The following SOBP variants were observed in gnomAD, a reference collection of about 807,000 sequenced individuals.
SOBP encodes sine oculis binding protein homolog.
In SOBP, 4 loss-of-function variants were observed where a neutral mutation model predicts 53.6. The ratio of observed to expected loss-of-function variants is 0.07; its 90% CI spans 0.04 to 0.17. The LOEUF is 0.17. SOBP is among the 10% of genes least tolerant of loss of function. SOBP has a pLI of 1.00. For missense variants in SOBP, 1,088 were observed against 1,204.7 expected, an observed-to-expected ratio of 0.90 and a Z score of 1.43; for synonymous variants, 584 against 522.6, an observed-to-expected ratio of 1.12 and a Z score of -1.60.
In SOBP at chr6:107,596,900, A is replaced by T. The variant is rs115171995; in HGVS notation, c.669+9725A>T. Among the ~76,000 whole-genome samples, 1,279 of 152,350 alleles carry T rather than the reference A, an allele frequency of 8.4e-3. 20 individuals carry two copies. Among genetic ancestry groups the T allele is most frequent in the African/African-American group, 0.03 (1,234 of 41,578 alleles). On this transcript the variant is annotated intron_variant, in intron 5 of 6. Transcript: ENST00000317357. ...CAGAAGAGACAAAGTATATGTAGGT[A>T]TATTATCCATACTTTAGAATTTCAT...
At chr6:107,500,714 ATGGG>A (rs905504890) in intron 1 of SOBP, among the ~76,000 whole-genome samples, 64 of 143,086 alleles carry the variant, frequency 4.5e-4, no homozygotes, top group Admixed American at 2.5e-3. Context: ...TTAGAGACGG[ATGGG>A]GTTTCACCAT....
intron 4 of SOBP, among the ~76,000 whole-genome samples, chr6:107,533,832 G>C (rs763460765): frequency 6.6e-6 from 1 of 152,212 alleles, no homozygotes; most frequent in Non-Finnish European, 1.5e-5. Flanking sequence ...CTGAGAGGGT[G>C]AATGAATCTG....
intron 5 of SOBP, among the ~76,000 whole-genome samples, chr6:107,632,559 A>T (rs1329787621): frequency 6.6e-6 from 1 of 152,226 alleles, no homozygotes; most frequent in Non-Finnish European, 1.5e-5. Context: ...GTGAGAGCTG[A>T]TGGTGTTGCA....
intron 4 of SOBP, among the ~76,000 whole-genome samples, chr6:107,536,342 C>T (rs933149095): frequency 1.3e-5 from 2 of 152,176 alleles, no homozygotes; most frequent in African/African-American, 4.8e-5. Flanking sequence ...CTGAGCAACA[C>T]CTGCATTTGT....
At position 107,614,080 on chromosome 6, in the gene SOBP, A is replaced by G. The variant is rs143759267; in HGVS notation, c.670-19434A>G. Among the ~76,000 whole-genome samples, 749 of 152,278 alleles carry G rather than the reference A, an allele frequency of 4.9e-3. 5 individuals carry two copies. Among genetic ancestry groups the G allele is most frequent in the South Asian group, 0.011 (55 of 4,828 alleles). Reference sequence around the variant, plus strand: ...GTAAGGCAGAGCAGCCTGGCCCATGATGGTCTGGATGTTATGATGCCTTAA... The same window carrying G: ...GTAAGGCAGAGCAGCCTGGCCCATGGTGGTCTGGATGTTATGATGCCTTAA... On this transcript the variant is annotated intron_variant, in intron 5 of 6. Coordinates refer to ENST00000317357, the MANE Select transcript of SOBP (RefSeq NM_018013.4).
intron 5 of SOBP, among the ~76,000 whole-genome samples, chr6:107,610,569 C>T (rs574726556): frequency 6.6e-6 from 1 of 152,318 alleles, no homozygotes; most frequent in African/African-American, 2.4e-5. Context: ...ATAGTTGAAT[C>T]AGAATCCCCA....
intron 4 of SOBP, among the ~76,000 whole-genome samples, chr6:107,561,583 T>C (rs1192692618): frequency 6.6e-6 from 1 of 152,208 alleles, no homozygotes; most frequent in Admixed American, 6.5e-5. Flanking sequence ...TTCTCTTTTG[T>C]AGTTCTGTGC....
At chr6:107,510,472 C>T (rs557717837) in intron 3 of SOBP, 3 of 152,210 alleles carry the variant, frequency 2.0e-5, no homozygotes, top group African/African-American at 7.2e-5. Flanking sequence ...GAATGAATGA[C>T]TGATATTCAA....
In SOBP at chr6:107,560,856, G is replaced by A. The variant is rs150422715; in HGVS notation, c.574-26224G>A. On this transcript the variant is annotated intron_variant, in intron 4 of 6. Coordinates refer to ENST00000317357, the MANE Select transcript of SOBP (RefSeq NM_018013.4). Reference sequence around the variant, plus strand: ...GCTTCTCATCTTGTCTCCTATTGACGCAACTGAAATCTCTGGAAAAGCCCA... The same window carrying A: ...GCTTCTCATCTTGTCTCCTATTGACACAACTGAAATCTCTGGAAAAGCCCA... Among the ~76,000 whole-genome samples the A allele has an allele frequency of 6.3e-4, 96 of 152,218 alleles. 1 individual carries two copies. The highest frequency in any genetic ancestry group is 2.1e-3 in the African/African-American group (87 of 41,538).
chr6:107,616,484 G>T (rs73518940), intron 5 of SOBP, among the ~76,000 whole-genome samples: 1 of 152,120 alleles, frequency 6.6e-6, no homozygotes, highest in Non-Finnish European at 1.5e-5. Flanking sequence ...CTTCCTCTCT[G>T]GTCACAAGGG....
At chr6:107,636,586 A>G (rs1191746061) in intron 6 of SOBP, among the ~76,000 whole-genome samples, 1 of 152,218 alleles carries the variant, frequency 6.6e-6, no homozygotes, top group Non-Finnish European at 1.5e-5. Context: ...ACAGGCCAAA[A>G]TTCAGTTGAG....
At chr6:107,490,802 G>A (rs1782560572) in intron 1 of SOBP, 90 bp downstream of exon 1, 1 of 1,013,072 alleles carries the variant, frequency 9.9e-7, no homozygotes, top group Non-Finnish European at 1.5e-6. Flanking sequence ...GGGTACCGGG[G>A]CGCGCTTGTC....
intron 4 of SOBP, among the ~76,000 whole-genome samples, chr6:107,569,349 C>T (rs1164896114): frequency 1.3e-5 from 2 of 152,112 alleles, no homozygotes; most frequent in African/African-American, 2.4e-5. Context: ...AAATTTCAAA[C>T]GTTCTGAAAA....
At chr6:107,532,602 A>T (rs13436986) in intron 3 of SOBP, among the ~76,000 whole-genome samples, 1,649 of 152,270 alleles carry the variant, frequency 0.011, 38 homozygotes, top group African/African-American at 0.038. Flanking sequence ...TCTCATACAA[A>T]GGAAAAGAAA....
chr6:107,501,841 A>G (rs1782849825), intron 1 of SOBP, among the ~76,000 whole-genome samples: 1 of 152,158 alleles, frequency 6.6e-6, no homozygotes, highest in South Asian at 2.1e-4. Context: ...ATTCATATTG[A>G]TCATATCTTT....
intron 4 of SOBP, 90 bp downstream of exon 4, chr6:107,533,700 G>T (rs376067540): frequency 1.3e-6 from 2 of 1,500,444 alleles, no homozygotes; most frequent in African/African-American, 1.4e-5. Context: ...AAAACACTGC[G>T]CACCTTTTAC....
chr6:107,640,591 T>C (rs1583303026), intron 6 of SOBP, among the ~76,000 whole-genome samples: 1 of 152,294 alleles, frequency 6.6e-6, no homozygotes, highest in South Asian at 2.1e-4. Flanking sequence ...TTTTCTGGAA[T>C]GAATGGTGTC....
intron 5 of SOBP, among the ~76,000 whole-genome samples, chr6:107,632,172 C>G (rs537495215): frequency 1.3e-5 from 2 of 152,292 alleles, no homozygotes; most frequent in East Asian, 3.9e-4. Context: ...GAACAACAGA[C>G]AGCCTCTTCA....
At chr6:107,598,425 A>G (rs1360262883) in intron 5 of SOBP, among the ~76,000 whole-genome samples, 1 of 152,200 alleles carries the variant, frequency 6.6e-6, no homozygotes. Context: ...GGCATCCCAG[A>G]GAAAGAGAAG....
Sources: gnomAD v4.1 joint callset for allele counts (sites outside exome capture counted in the v4.1 genomes callset) on GRCh38, gnomAD v4.1.1 for gene constraint, MANE v1.5 for transcripts, NCBI Gene and HGNC (gene_info 2026-07-23, HGNC 2026-07-21) for gene names.